The following FBXO45 variants were observed in gnomAD, a reference collection of about 807,000 sequenced individuals.
FBXO45 encodes F-box protein 45.
A neutral mutation model predicts 25.5 loss-of-function variants in FBXO45; 3 were observed. That is an observed-to-expected ratio of 0.12 (90% CI 0.05 to 0.30). FBXO45 has a LOEUF of 0.30. Among genes scored for constraint, FBXO45 ranks in the 10% least tolerant of loss-of-function variants. The pLI, the probability that FBXO45 is intolerant of heterozygous loss-of-function variation, is 1.00. For synonymous variants in FBXO45, 155 were observed against 149.8 expected, an observed-to-expected ratio of 1.03 and a Z score of -0.25; for missense variants, 219 against 365.0, an observed-to-expected ratio of 0.60 and a Z score of 3.26.
At chr3:196,579,998 T>C (rs966315144) in intron 2 of FBXO45, among the ~76,000 whole-genome samples, 1 of 147,138 alleles carries the variant, frequency 6.8e-6, no homozygotes, top group Non-Finnish European at 1.5e-5. Context: ...TGTCTCTGAC[T>C]TTTTTTTTTT....
Position 196,584,117 on chromosome 3 carries a change from T to C in FBXO45, c.676-16T>C. On this transcript the variant is annotated splice_polypyrimidine_tract_variant and intron_variant, in intron 2 of 2. Transcript: ENST00000311630. This position sits in a 1 kb window ranked among gnomAD's most constrained non-coding sequence, Gnocchi z 4.3. Reference sequence around the variant, plus strand: ...CTTGGCAGATTTTCTTCTAACCTTTTGATATCTGTTTGCAGATAGGAGAAA... The same window carrying C: ...CTTGGCAGATTTTCTTCTAACCTTTCGATATCTGTTTGCAGATAGGAGAAA... The C allele has an allele frequency of 6.2e-7, 1 of 1,611,118 alleles. No homozygotes were observed. The highest frequency in any genetic ancestry group is 8.5e-7 in the Non-Finnish European group (1 of 1,179,120).
chr3:196,576,499 G>T (rs1326099186), intron 1 of FBXO45, among the ~76,000 whole-genome samples: 2 of 152,186 alleles, frequency 1.3e-5, no homozygotes, highest in Non-Finnish European at 1.5e-5. Flanking sequence ...AGTGCGCTAC[G>T]ATTGTGCCAC....
At chr3:196,574,751 A>G (rs530247691) in intron 1 of FBXO45, among the ~76,000 whole-genome samples, 5 of 152,202 alleles carry the variant, frequency 3.3e-5, no homozygotes, top group Non-Finnish European at 7.3e-5. Flanking sequence ...GTGGGCAAGC[A>G]CCCGGCAGAG....
chr3:196,570,707 T>A (rs924137111), intron 1 of FBXO45, among the ~76,000 whole-genome samples: 2 of 139,768 alleles, frequency 1.4e-5, no homozygotes, highest in African/African-American at 2.7e-5. Flanking sequence ...TCTCTTTTCT[T>A]TTTTCTTTTT....
chr3:196,568,875 C>G lies in FBXO45; in HGVS notation c.-110C>G. 1 of 834,522 alleles carries G rather than the reference C, an allele frequency of 1.2e-6. No individual in the cohort carries two copies. The highest frequency in any genetic ancestry group is 5.3e-5 in the South Asian group (1 of 18,906). 51.7% of individuals were successfully genotyped at this position (834,522 alleles called of 1,614,324 possible). On this transcript the variant is annotated 5_prime_UTR_variant, in exon 1 of 3. Coordinates refer to ENST00000311630, the MANE Select transcript of FBXO45 (RefSeq NM_001105573.2). ...TGGAGGCGCCGGCGGTTGGCACTGACAGGGGCGGTGAGCGAGCCGCTCCGG... is the reference window on the plus strand; with the variant it reads ...TGGAGGCGCCGGCGGTTGGCACTGAGAGGGGCGGTGAGCGAGCCGCTCCGG...
chr3:196,582,340 T>C (rs996044735), intron 2 of FBXO45, among the ~76,000 whole-genome samples: 1 of 152,174 alleles, frequency 6.6e-6, no homozygotes, highest in Non-Finnish European at 1.5e-5. Context: ...ATTTCTACTT[T>C]GTTAATATTT....
chr3:196,571,710 G>C (rs955131938), intron 1 of FBXO45, among the ~76,000 whole-genome samples: 13 of 152,264 alleles, frequency 8.5e-5, no homozygotes, highest in African/African-American at 2.4e-4. Context: ...TCCTCTCCAT[G>C]TATGCAACCT....
intron 2 of FBXO45, among the ~76,000 whole-genome samples, chr3:196,582,356 G>A (rs34676641): frequency 0.2 from 30,608 of 152,078 alleles, 3,884 homozygotes; most frequent in East Asian, 0.61. Flanking sequence ...TATTTTGTTG[G>A]TAGGAGTGGT....
rs1015699748 is a variant in FBXO45, at chr3:196,569,029, TGGCTGTAGCGGCGGCGGCGCG to T, written c.49_69del (p.Cys17_Gly23del). The T allele has an allele frequency of 7.7e-6, 8 of 1,045,180 alleles. No individual in the cohort carries two copies. In the African/African-American group the frequency reaches 1.0e-4, roughly 14 times the overall value. The allele number at this position is 1,045,180 out of a possible 1,614,324, so 64.7% of individuals were successfully genotyped here. On this transcript the variant is annotated inframe_deletion, in exon 1 of 3. Coordinates refer to ENST00000311630, the MANE Select transcript of FBXO45 (RefSeq NM_001105573.2). The surrounding 1 kb of genome is among the most constrained non-coding windows in gnomAD (Gnocchi z 4.1). Reference sequence around the variant, plus strand: ...GGGCTGGGGCAGCCTCGGGCGGCGCTGGCTGTAGCGGCGGCGGCGCGGGCGCGGGCGCGGGCTCGGGCTCTG... The same window carrying T: ...GGGCTGGGGCAGCCTCGGGCGGCGCTGGCGCGGGCGCGGGCTCGGGCTCTG...
rs532105639 is a variant in FBXO45, at chr3:196,587,259, T to C, written c.*2941T>C. 2 of 152,380 alleles carry C rather than the reference T, an allele frequency of 1.3e-5. No individual in the cohort carries two copies. Among genetic ancestry groups the C allele is most frequent in the Non-Finnish European group, 2.9e-5 (2 of 68,040 alleles). 9.4% of individuals were successfully genotyped at this position (152,380 alleles called of 1,614,324 possible). The stretch of plus-strand genomic sequence containing the variant: ...AAAGTTTGTAATGATCAATGGCTCA[T>C]AATTCATTAAATCTTTTCATACAAG... On this transcript the variant is annotated 3_prime_UTR_variant, in exon 3 of 3. Transcript: ENST00000311630.
rs929585677 is a variant in FBXO45 at position 196,585,552 on chromosome 3, A to G, written c.*1234A>G. 2.0e-5 allele frequency: 3 copies of G among 152,328 alleles called. No homozygotes were observed. Among genetic ancestry groups the G allele is most frequent in the African/African-American group, 7.2e-5 (3 of 41,580 alleles). 9.4% of individuals were successfully genotyped at this position (152,328 alleles called of 1,614,324 possible). On this transcript the variant is annotated 3_prime_UTR_variant, in exon 3 of 3. Coordinates refer to ENST00000311630, the MANE Select transcript of FBXO45 (RefSeq NM_001105573.2). Reference sequence around the variant, plus strand: ...TAATTGCCCCCATGGGACTTGAAATACAACACCTTGTGCTGAAAACTTCAG... The same window carrying G: ...TAATTGCCCCCATGGGACTTGAAATGCAACACCTTGTGCTGAAAACTTCAG...
chr3:196,578,905 C>A (rs1312222607), intron 2 of FBXO45, among the ~76,000 whole-genome samples: 4 of 151,970 alleles, frequency 2.6e-5, no homozygotes, highest in Non-Finnish European at 5.9e-5. Context: ...GGATTGAATA[C>A]CCCTGCTCTA....
rs893447626 is a variant in FBXO45 at position 196,585,089 on chromosome 3, T to C, written c.*771T>C. On this transcript the variant is annotated 3_prime_UTR_variant, in exon 3 of 3. Coordinates refer to ENST00000311630, the MANE Select transcript of FBXO45 (RefSeq NM_001105573.2). ...CCCATAGCTGTTAGAGTCTGGTTTG[T>C]TTTTGTTTTTACTCTCAAAATCATA... is the stretch of plus-strand genomic sequence containing the variant. 1 of 152,212 alleles carries C rather than the reference T, an allele frequency of 6.6e-6. No individual in the cohort carries two copies. The highest frequency in any genetic ancestry group is 2.4e-5 in the African/African-American group (1 of 41,448). The allele number at this position is 152,212 out of a possible 1,614,324, so 9.4% of individuals were successfully genotyped here. A position where few individuals can be genotyped will look rare whatever the true frequency, so the allele number is the denominator to read the frequency against.
chr3:196,573,567 C>T (rs1410025894), intron 1 of FBXO45, among the ~76,000 whole-genome samples: 2 of 151,926 alleles, frequency 1.3e-5, no homozygotes, highest in Non-Finnish European at 2.9e-5. Flanking sequence ...GGAGAGCTGT[C>T]GTAGAAAACA....
intron 2 of FBXO45, among the ~76,000 whole-genome samples, chr3:196,583,368 T>C (rs1736049697): frequency 6.6e-6 from 1 of 151,944 alleles, no homozygotes; most frequent in African/African-American, 2.4e-5. Flanking sequence ...TAGCCGGGCG[T>C]GGTGGCGGGC....
At chr3:196,581,745 AT>A (rs1314329071) in intron 2 of FBXO45, among the ~76,000 whole-genome samples, 1 of 151,746 alleles carries the variant, frequency 6.6e-6, no homozygotes, top group Non-Finnish European at 1.5e-5. Flanking sequence ...ATATCTAGTA[AT>A]TTTTTTAACT....
intron 1 of FBXO45, among the ~76,000 whole-genome samples, chr3:196,576,653 A>C (rs1261644221): frequency 1.3e-5 from 2 of 152,252 alleles, no homozygotes; most frequent in African/African-American, 4.8e-5. Flanking sequence ...TTGGAAGTGT[A>C]AACCTTTGTA....
intron 2 of FBXO45, among the ~76,000 whole-genome samples, chr3:196,582,091 C>G (rs1158388190): frequency 6.6e-6 from 1 of 152,164 alleles, no homozygotes; most frequent in Non-Finnish European, 1.5e-5. Context: ...TCCAGTTGCT[C>G]TGCCATCTCC....
chr3:196,578,900 G>T (rs533253737), intron 2 of FBXO45, among the ~76,000 whole-genome samples: 2 of 152,134 alleles, frequency 1.3e-5, no homozygotes, highest in South Asian at 4.2e-4. Flanking sequence ...CCAAAGGATT[G>T]AATACCCCTG....
Sources: gnomAD v4.1 joint callset for allele counts (sites outside exome capture counted in the v4.1 genomes callset) on GRCh38, gnomAD v4.1.1 for gene constraint, Gnocchi (gnomAD v3.1) non-coding constraint, MANE v1.5 for transcripts, NCBI Gene and HGNC (gene_info 2026-07-23, HGNC 2026-07-21) for gene names.